Variants in INO80B observed in about 807,000 individuals in gnomAD.
INO80B encodes INO80 complex subunit B.
Under a neutral mutation model 31.4 loss-of-function variants are expected in INO80B, and 18 were observed. That is an observed-to-expected ratio of 0.57 (90% CI 0.40 to 0.85). The LOEUF (loss-of-function observed/expected upper bound fraction) is 0.85. Ranked by LOEUF, INO80B falls within the 40% of genes least tolerant of loss-of-function variation. The pLI is 0.00. For synonymous variants in INO80B, 238 were observed against 199.0 expected (o/e 1.20, Z -1.65); for missense variants, 469 against 475.4 (o/e 0.99, Z 0.13).
In INO80B at chr2:74,457,905, C is replaced by G; in HGVS notation, c.*41C>G. 4.1e-6 allele frequency: 6 copies of G among 1,478,634 alleles called. No individual in the cohort carries two copies. The highest frequency in any genetic ancestry group is 5.4e-6 in the Non-Finnish European group (6 of 1,113,946). 91.6% of individuals were successfully genotyped at this position (1,478,634 alleles called of 1,614,324 possible). A position where few individuals can be genotyped will look rare whatever the true frequency, so the allele number is the denominator to read the frequency against. On this transcript the variant is annotated 3_prime_UTR_variant, in exon 5 of 5. Transcript: ENST00000233331. ...CTCTGCGCCCCGTCCCATGCCCGCTCTTGAGTATCTTCCCCACCCTATTAA... is the reference window on the plus strand; with the variant it reads ...CTCTGCGCCCCGTCCCATGCCCGCTGTTGAGTATCTTCCCCACCCTATTAA...
chr2:74,456,406 G>T, intron 4 of INO80B, 134 bp downstream of exon 4: 1 of 785,204 alleles, frequency 1.3e-6, no homozygotes. Context: ...CCTGGAGCTA[G>T]TATTCTAGTG....
chr2:74,456,403 C>T, intron 4 of INO80B, 131 bp downstream of exon 4: 1 of 807,926 alleles, frequency 1.2e-6, no homozygotes, highest in Non-Finnish European at 2.0e-6. Flanking sequence ...TCTCCTGGAG[C>T]TAGTATTCTA....
Position 74,457,877 on chromosome 2 carries a change from G to C in INO80B, c.*13G>C. The C allele has an allele frequency of 6.6e-7, 1 of 1,516,022 alleles. No individual in the cohort carries two copies. Among genetic ancestry groups the C allele is most frequent in the Non-Finnish European group, 8.8e-7 (1 of 1,139,152 alleles). 93.9% of individuals were successfully genotyped at this position (1,516,022 alleles called of 1,614,324 possible). ...TTTGGCTACGTAAGGCCCTTAACCCGGACTCTGCGCCCCGTCCCATGCCCG... is the reference window on the plus strand; with the variant it reads ...TTTGGCTACGTAAGGCCCTTAACCCCGACTCTGCGCCCCGTCCCATGCCCG... On this transcript the variant is annotated 3_prime_UTR_variant, in exon 5 of 5. Transcript: ENST00000233331.
At position 74,457,716 on chromosome 2, in the gene INO80B, G is replaced by C. The variant is rs763703613; in HGVS notation, c.923G>C (p.Arg308Pro). 2 of 1,600,034 alleles carry C rather than the reference G, an allele frequency of 1.2e-6. No homozygotes were observed. Among genetic ancestry groups the C allele is most frequent in the Admixed American group, 1.7e-5 (1 of 59,904 alleles). Residue 308 changes from arginine to proline, a missense_variant, in exon 5 of 5, where the codon CGC becomes CCC. Around this residue, in one of 3 missense-constraint regions of INO80B, gnomAD observed 201 missense variants for 151.7 expected, o/e 1.32. Coordinates refer to ENST00000233331, the MANE Select transcript of INO80B (RefSeq NM_031288.4). ...QRPSPSGPPP[R>P]CSVPGCPHPR... The stretch of plus-strand genomic sequence containing the variant: ...CCATCCCCCTCAGGCCCGCCGCCGC[G>C]CTGCTCTGTCCCCGGCTGTCCCCAT...
Position 74,455,522 on chromosome 2 carries a change from C to G in INO80B, c.175C>G (p.Pro59Ala), listed in dbSNP as rs780600038. Residue 59 changes from proline (P) to alanine (A), a missense_variant, in exon 2 of 5, where the codon CCC becomes GCC. Coordinates refer to ENST00000233331, the MANE Select transcript of INO80B (RefSeq NM_031288.4). ...ACACCATCAGGAAGAAGACGCCGGG[C>G]CCACGCAGCCGTCCCCTGCCAAGCC... is the stretch of plus-strand genomic sequence containing the variant. ...KKHHQEEDAG[P>A]TQPSPAKPQL... 6.2e-7 allele frequency: 1 copy of G among 1,614,154 alleles called. No homozygotes were observed. The highest frequency in any genetic ancestry group is 2.2e-5 in the East Asian group (1 of 44,886).
chr2:74,456,165 G>C lies in INO80B; in HGVS notation c.433G>C (p.Glu145Gln). Reference sequence around the variant, plus strand: ...CCTATCAGGAGGGTTAGGGGGTCAGGAGGAAGAGGAGGAACAGAGGTGGCT... The same window carrying C: ...CCTATCAGGAGGGTTAGGGGGTCAGCAGGAAGAGGAGGAACAGAGGTGGCT... The part of the protein sequence containing the change: ...RDLSGGLGGQ[E>Q]EEEEQRWLDA... The change falls in exon 4 of 5, where the codon GAG becomes CAG. Residue 145 changes from glutamate to glutamine, a missense_variant. Transcript: ENST00000233331. 6.2e-7 allele frequency: 1 copy of C among 1,613,538 alleles called. No individual in the cohort carries two copies. The highest frequency in any genetic ancestry group is 1.1e-5 in the South Asian group (1 of 90,990).
intron 3 of INO80B, 63 bp downstream of exon 3, chr2:74,455,999 G>T (rs542278693): frequency 4.5e-6 from 7 of 1,553,198 alleles, no homozygotes; most frequent in Non-Finnish European, 6.2e-6. Flanking sequence ...AAGAAGGTTG[G>T]TTCTGAAATG....
rs756418862 is a variant in INO80B, at chr2:74,457,730, G to C, written c.937G>C (p.Gly313Arg). ...SGPPPRCSVP[G>R]CPHPRRYACS... ...CCCGCCGCCGCGCTGCTCTGTCCCC[G>C]GCTGTCCCCATCCGCGCCGCTACGC... Residue 313 changes from glycine (G) to arginine (R), a missense_variant, in exon 5 of 5, where the codon GGC (glycine) becomes CGC (arginine). Gly to Arg is a moderately radical substitution (Grantham distance 125). This residue lies in a region of INO80B where 201 missense variants were observed against 151.7 expected (regional missense o/e 1.32). Coordinates refer to ENST00000233331, the MANE Select transcript of INO80B (RefSeq NM_031288.4). 6.2e-7 allele frequency: 1 copy of C among 1,600,422 alleles called. No individual in the cohort carries two copies. Among genetic ancestry groups the C allele is most frequent in the Non-Finnish European group, 8.5e-7 (1 of 1,179,686 alleles).
Position 74,455,838 on chromosome 2 carries a change from TCCCA to T in INO80B, c.273_276del (p.Ile91MetfsTer50). ...TGCAGTGTTCCTACCTTCACTGTGA[TCCCA>T]GAGGGGCCTCGCTCACCCTCTCCCC... On this transcript the variant is annotated frameshift_variant, in exon 3 of 5. Coordinates refer to ENST00000233331, the MANE Select transcript of INO80B (RefSeq NM_031288.4). LOFTEE classifies it high-confidence loss of function. 6.2e-7 allele frequency: 1 copy of T among 1,611,620 alleles called. No homozygotes were observed. Among genetic ancestry groups the T allele is most frequent in the Non-Finnish European group, 8.5e-7 (1 of 1,177,802 alleles).
rs1162746178 is a variant in INO80B, at chr2:74,457,329, C to T, written c.541-5C>T. 1.9e-6 allele frequency: 3 copies of T among 1,603,832 alleles called. No homozygotes were observed. The highest frequency in any genetic ancestry group is 1.3e-5 in the African/African-American group (1 of 74,326). ...AGACAGCACCCCGTCTCTGTCTCTC[C>T]CTAGCGAGCTCTGCTCCAGAAGGCG... On this transcript the variant is annotated splice_region_variant and splice_polypyrimidine_tract_variant and intron_variant, in intron 4 of 4. Coordinates refer to ENST00000233331, the MANE Select transcript of INO80B (RefSeq NM_031288.4).
rs1449789868 is a variant in INO80B, at chr2:74,457,534, G to A, written c.741G>A (p.Ala247=). The A allele has an allele frequency of 4.6e-6, 7 of 1,527,658 alleles. No individual in the cohort carries two copies. The highest frequency in any genetic ancestry group is 3.6e-5 in the South Asian group (3 of 82,662). 94.6% of individuals were successfully genotyped at this position (1,527,658 alleles called of 1,614,324 possible). A position where few individuals can be genotyped will look rare whatever the true frequency, so the allele number is the denominator to read the frequency against. The change falls in exon 5 of 5, where the codon GCG becomes GCA. Residue 247 remains alanine, a synonymous_variant. Coordinates refer to ENST00000233331, the MANE Select transcript of INO80B (RefSeq NM_031288.4). ...QTIERLTKTA[A]TSGRGGRGGA... ...TCGAGCGCCTCACCAAGACTGCGGC[G>A]ACCAGTGGGCGGGGAGGCCGGGGGG...
At position 74,457,740 on chromosome 2, in the gene INO80B, A is replaced by G. The variant is rs1572914759; in HGVS notation, c.947A>G (p.His316Arg). 3 of 1,600,276 alleles carry G rather than the reference A, an allele frequency of 1.9e-6. No homozygotes were observed. Among genetic ancestry groups the G allele is most frequent in the East Asian group, 4.5e-5 (2 of 44,838 alleles). ...CGCTGCTCTGTCCCCGGCTGTCCCC[A>G]TCCGCGCCGCTACGCTTGCTCCCGC... ...PPRCSVPGCP[H>R]PRRYACSRTG... Residue 316 changes from histidine (H) to arginine (R), a missense_variant, in exon 5 of 5, where the codon CAT becomes CGT. His to Arg is a conservative substitution (Grantham distance 29, BLOSUM62 0). Transcript: ENST00000233331.
In INO80B at chr2:74,455,120, A is replaced by G. The variant is rs1226847137; in HGVS notation, c.4A>G (p.Ser2Gly). Residue 2 changes from serine to glycine, a missense_variant, in exon 1 of 5, where the codon AGT becomes GGT. Around this residue, in one of 3 missense-constraint regions of INO80B, gnomAD observed 223 missense variants for 253.4 expected, o/e 0.88. Transcript: ENST00000233331. ...TCCCCTTTCCTCGCAGGACCTCATG[A>G]GTAAGCTGTGGCGGCGTGGGAGCAC... M[S>G]KLWRRGSTSG... 1 of 1,614,164 alleles carries G rather than the reference A, an allele frequency of 6.2e-7. No homozygotes were observed. The highest frequency in any genetic ancestry group is 1.7e-5 in the Admixed American group (1 of 60,026).
At position 74,457,856 on chromosome 2, in the gene INO80B, G is replaced by C. The variant is rs779079972; in HGVS notation, c.1063G>C (p.Ala355Pro). 1 of 1,553,180 alleles carries C rather than the reference G, an allele frequency of 6.4e-7. No homozygotes were observed. The part of the protein sequence containing the change: ...GPEGPGSPLL[A>P]T ...CGAGGGTCCTGGATCCCCCCTTTTG[G>C]CTACGTAAGGCCCTTAACCCGGACT... The change falls in exon 5 of 5, where the codon GCT becomes CCT. Residue 355 changes from alanine to proline, a missense_variant. Physicochemically the swap from Ala to Pro is conservative, Grantham distance 27 (BLOSUM62 -1). Transcript: ENST00000233331.
Position 74,455,432 on chromosome 2 carries a change from G to T in INO80B, c.85G>T (p.Gly29Cys), listed in dbSNP as rs115610738. 2 of 1,614,146 alleles carry T rather than the reference G, an allele frequency of 1.2e-6. No individual in the cohort carries two copies. Among genetic ancestry groups the T allele is most frequent in the African/African-American group, 2.7e-5 (2 of 75,046 alleles). The change falls in exon 2 of 5, where the codon GGT becomes TGT. Residue 29 changes from glycine (G) to cysteine (C), a missense_variant. Transcript: ENST00000233331. ...PGEALELSLA[G>C]AHGHGVHKKK... ...AGAAGCCCTGGAGTTGAGCCTGGCG[G>T]GTGCCCATGGCCATGGAGTGCACAA...
intron 3 of INO80B, 25 bp from the exon 4 acceptor site, chr2:74,456,078 T>C (rs1257385943): frequency 6.3e-7 from 1 of 1,576,610 alleles, no homozygotes; most frequent in East Asian, 2.2e-5. Flanking sequence ...CAATTCTGTT[T>C]TTCTTTCTCC....
intron 1 of INO80B, 90 bp from the exon 2 acceptor site, chr2:74,455,316 G>C: frequency 6.4e-7 from 1 of 1,553,352 alleles, no homozygotes; most frequent in Non-Finnish European, 8.9e-7. Context: ...AGTACTGCGG[G>C]AAGGGTGGGA....
chr2:74,457,474 G>T lies in INO80B; in HGVS notation c.681G>T (p.Ala227=). The T allele has an allele frequency of 1.3e-6, 2 of 1,554,810 alleles. No homozygotes were observed. The highest frequency in any genetic ancestry group is 2.4e-5 in the South Asian group (2 of 84,810). ...GGGCGCGGAAGCGGCGGCTCCAGGCGGCGCGGCGGGCAGAAGAGCACAAGA... is the reference window on the plus strand; with the variant it reads ...GGGCGCGGAAGCGGCGGCTCCAGGCTGCGCGGCGGGCAGAAGAGCACAAGA... ...EERARKRRLQ[A]ARRAEEHKNQ... Residue 227 remains alanine (A), a synonymous_variant, in exon 5 of 5, where the codon GCG becomes GCT. Transcript: ENST00000233331.
At chr2:74,455,688 T>G in intron 2 of INO80B, 90 bp downstream of exon 2, 1 of 1,446,496 alleles carries the variant, frequency 6.9e-7, no homozygotes, top group Non-Finnish European at 9.5e-7. Context: ...GAAGACCGAA[T>G]GGACACTGTG....
Sources: allele counts gnomAD v4.1 joint callset, GRCh38; gene constraint gnomAD v4.1.1; regional missense constraint gnomAD v4.1.1; transcripts MANE v1.5; gene names NCBI Gene and HGNC (gene_info 2026-07-23, HGNC 2026-07-21).